The following SH3KBP1 variants were observed in gnomAD, a reference collection of about 807,000 sequenced individuals.
SH3KBP1 encodes the protein SH3 domain-containing kinase-binding protein 1.
SH3KBP1 carries 8 observed loss-of-function variants against 50.1 expected under a neutral mutation model. The observed-to-expected ratio is 0.16, with a 90% CI of 0.09 to 0.29. SH3KBP1 has a LOEUF of 0.29. SH3KBP1 is among the 10% of genes least tolerant of loss of function. SH3KBP1 has a pLI of 1.00. For synonymous variants in SH3KBP1, 227 were observed against 218.6 expected (o/e 1.04, Z -0.34); for missense variants, 377 against 535.2 (o/e 0.70, Z 2.92).
At chrX:19,647,590 G>A (rs774568772) in intron 6 of SH3KBP1, among the ~76,000 whole-genome samples, 6 of 111,697 alleles carry the variant, frequency 5.4e-5, no homozygotes, top group Non-Finnish European at 9.4e-5. Flanking sequence ...GGGTGATGGT[G>A]AAGCTGGTAT....
intron 10 of SH3KBP1, 36 bp downstream of exon 10, chrX:19,594,913 G>A (rs367667497): frequency 1.3e-5 from 13 of 1,025,926 alleles, no homozygotes; most frequent in East Asian, 6.1e-5. Context: ...AAAGAAAGAC[G>A]CATATTTTAT....
chrX:19,668,029 T>C (rs915684924), intron 6 of SH3KBP1, among the ~76,000 whole-genome samples: 11 of 111,162 alleles, frequency 9.9e-5, no homozygotes, highest in African/African-American at 3.3e-4. Context: ...CCTTGGGAGA[T>C]TGTTTCAACA....
intron 6 of SH3KBP1, among the ~76,000 whole-genome samples, chrX:19,649,013 G>A (rs2062058505): frequency 8.9e-6 from 1 of 111,790 alleles, no homozygotes; most frequent in Non-Finnish European, 1.9e-5. Context: ...GATAACTGAA[G>A]GTCAGCTACA....
At chrX:19,827,191 C>T (rs1453661759) in intron 2 of SH3KBP1, among the ~76,000 whole-genome samples, 1 of 112,044 alleles carries the variant, frequency 8.9e-6, no homozygotes, top group African/African-American at 3.2e-5. Context: ...GCTCAGCACA[C>T]ATAGGACATG....
chrX:19,703,874 T>C (rs1039836819), intron 4 of SH3KBP1, among the ~76,000 whole-genome samples: 8 of 111,075 alleles, frequency 7.2e-5, no homozygotes, highest in Non-Finnish European at 7.5e-5. Context: ...TGCAAAACTA[T>C]TATGTTCTTG....
At chrX:19,758,327 CAAAAAAAAAAAA>C (rs60332447) in intron 2 of SH3KBP1, among the ~76,000 whole-genome samples, 8 of 37,668 alleles carry the variant, frequency 2.1e-4, no homozygotes, top group Middle Eastern at 0.019. Context: ...GACTTCGTTT[CAAAAAAAAAAAA>C]AAAAAAAAAA....
rs1046014221 is a variant in SH3KBP1 at position 19,583,976 on chromosome X, A to C, written c.1298+4667T>G. The stretch of plus-strand genomic sequence containing the variant: ...TATATTGTTAATATATATTAATGAT[A>C]TATTTCTAAATATTTATATTAACAA... On this transcript the variant is annotated intron_variant, in intron 12 of 17. Transcript: ENST00000397821. Among the ~76,000 whole-genome samples the C allele has an allele frequency of 1.3e-4, 12 of 95,029 alleles. No individual in the cohort carries two copies. In the East Asian group the frequency reaches 3.6e-3, roughly 29 times the overall value. The allele number at this position is 95,029 out of a possible 115,157, so 82.5% of individuals were successfully genotyped here. A position where few individuals can be genotyped will look rare whatever the true frequency, so the allele number is the denominator to read the frequency against.
intron 2 of SH3KBP1, among the ~76,000 whole-genome samples, chrX:19,759,855 C>T (rs1213762944): frequency 1.8e-5 from 2 of 111,174 alleles, no homozygotes; most frequent in African/African-American, 6.6e-5. Context: ...CATTTCACAT[C>T]ACAAAAGGAA....
chrX:19,565,794 C>A (rs2065826166), intron 13 of SH3KBP1, among the ~76,000 whole-genome samples: 1 of 111,896 alleles, frequency 8.9e-6, no homozygotes, highest in Non-Finnish European at 1.9e-5. Context: ...TATTGTTTCA[C>A]CAGGGTTGTA....
rs1274047756 is a variant in SH3KBP1, at chrX:19,535,827, C to A, written c.*590G>T. Reference sequence around the variant, plus strand: ...TCTCTTTCTCTTTTTGTAAATATACCGTCATATATAAGCTAAAATTTCTCT... The same window carrying A: ...TCTCTTTCTCTTTTTGTAAATATACAGTCATATATAAGCTAAAATTTCTCT... On this transcript the variant is annotated 3_prime_UTR_variant, in exon 18 of 18. Coordinates refer to ENST00000397821, the MANE Select transcript of SH3KBP1 (RefSeq NM_031892.3). 9.0e-6 allele frequency: 1 copy of A among 110,505 alleles called. No homozygotes were observed. 9.1% of individuals were successfully genotyped at this position (110,505 alleles called of 1,213,427 possible).
chrX:19,670,898 G>A, intron 6 of SH3KBP1: 1 of 1,147,855 alleles, frequency 8.7e-7, no homozygotes, highest in Non-Finnish European at 1.2e-6. Context: ...CCTCTCTTCA[G>A]TTTGAAAAGG....
chrX:19,699,800 C>T (rs929391094), intron 4 of SH3KBP1, among the ~76,000 whole-genome samples: 5 of 111,772 alleles, frequency 4.5e-5, no homozygotes, highest in Non-Finnish European at 9.4e-5. Context: ...CCTTCTTGCA[C>T]CCCATTTGTA....
chrX:19,725,285 T>C (rs2064184774), intron 3 of SH3KBP1, among the ~76,000 whole-genome samples: 1 of 88,921 alleles, frequency 1.1e-5, no homozygotes, highest in South Asian at 5.2e-4. Flanking sequence ...AGACCCTGTC[T>C]CTACTCTAAA....
At chrX:19,650,746 A>G (rs1472319658) in intron 6 of SH3KBP1, among the ~76,000 whole-genome samples, 1 of 112,251 alleles carries the variant, frequency 8.9e-6, no homozygotes, top group African/African-American at 3.2e-5. Flanking sequence ...TCAAGTGCCC[A>G]TTCAGTGTGA....
intron 12 of SH3KBP1, among the ~76,000 whole-genome samples, chrX:19,577,189 A>T (rs919032553): frequency 9.8e-5 from 11 of 112,090 alleles, no homozygotes; most frequent in Admixed American, 1.9e-4. Flanking sequence ...GTAGATAAGG[A>T]AACTGGGGCT....
At chrX:19,560,197 T>C (rs1402731618) in intron 13 of SH3KBP1, among the ~76,000 whole-genome samples, 1 of 98,947 alleles carries the variant, frequency 1.0e-5, no homozygotes, top group Non-Finnish European at 2.0e-5. Flanking sequence ...GCAAATCATT[T>C]AAAAGCAAAA....
rs1457924764 is a variant in SH3KBP1, at chrX:19,541,908, A to G, written c.1892+17T>C. The G allele has an allele frequency of 4.2e-6, 5 of 1,191,854 alleles. No homozygotes were observed. Among genetic ancestry groups the G allele is most frequent in the Non-Finnish European group, 5.7e-6 (5 of 884,597 alleles). On this transcript the variant is annotated intron_variant, in intron 16 of 17. Coordinates refer to ENST00000397821, the MANE Select transcript of SH3KBP1 (RefSeq NM_031892.3). ...AGCAACCTGGGTGACGGCCCCCAAG[A>G]GTCCCCAGGCACTCACTTCTGCTGG...
intron 8 of SH3KBP1, among the ~76,000 whole-genome samples, chrX:19,627,996 A>G (rs942626228): frequency 1.8e-5 from 2 of 112,545 alleles, no homozygotes; most frequent in African/African-American, 3.2e-5. Flanking sequence ...TAATAGCAAT[A>G]GTATACAATC....
At chrX:19,777,352 A>T (rs1279584786) in intron 2 of SH3KBP1, among the ~76,000 whole-genome samples, 1 of 110,584 alleles carries the variant, frequency 9.0e-6, no homozygotes, top group Non-Finnish European at 1.9e-5. Flanking sequence ...AGTCAACAGA[A>T]AGGGCCAGGG....
Sources: allele counts gnomAD v4.1 joint callset (sites outside exome capture counted in the v4.1 genomes callset), GRCh38; gene constraint gnomAD v4.1.1; transcripts MANE v1.5; gene names NCBI Gene and HGNC (gene_info 2026-07-23, HGNC 2026-07-21).